The following SEMA3A variants were observed in gnomAD, a reference collection of about 807,000 sequenced individuals.
SEMA3A encodes semaphorin-3A.
Under a neutral mutation model 97.9 loss-of-function variants are expected in SEMA3A, and 29 were observed. That is an observed-to-expected ratio of 0.30 (90% CI 0.22 to 0.40). The LOEUF is 0.40. Among genes scored for constraint, SEMA3A ranks in the 10% least tolerant of loss-of-function variants. The pLI, the probability that SEMA3A is intolerant of heterozygous loss-of-function variation, is 1.00. For synonymous variants in SEMA3A, 321 were observed against 323.7 expected, an observed-to-expected ratio of 0.99 and a Z score of 0.09; for missense variants, 763 against 951.3, an observed-to-expected ratio of 0.80 and a Z score of 2.60.
chr7:84,144,350 C>T (rs957219693), intron 1 of SEMA3A, among the ~76,000 whole-genome samples: 4 of 151,704 alleles, frequency 2.6e-5, no homozygotes, highest in Non-Finnish European at 1.5e-5. Context: ...GAGGAGTTGG[C>T]ACAAGAAATA....
intron 1 of SEMA3A, among the ~76,000 whole-genome samples, chr7:84,405,735 A>C (rs1471411576): frequency 6.6e-6 from 1 of 152,232 alleles, no homozygotes; most frequent in East Asian, 1.9e-4. Context: ...CTCAGGATTA[A>C]GAAACTCACT....
At chr7:84,356,363 A>C (rs1377412827) in intron 2 of SEMA3A, among the ~76,000 whole-genome samples, 1 of 151,570 alleles carries the variant, frequency 6.6e-6, no homozygotes, top group Non-Finnish European at 1.5e-5. Flanking sequence ...CCAATAATGA[A>C]ATCCAAAATT....
At chr7:84,074,801 TAAC>T (rs1304175805) in intron 4 of SEMA3A, among the ~76,000 whole-genome samples, 2 of 151,100 alleles carry the variant, frequency 1.3e-5, no homozygotes, top group East Asian at 1.9e-4. Context: ...CTTACTCAAA[TAAC>T]AACCACTATT....
In SEMA3A at chr7:83,961,266, C is replaced by T. The variant is rs1788458558; in HGVS notation, c.*105G>A. On this transcript the variant is annotated 3_prime_UTR_variant, in exon 17 of 17. Coordinates refer to ENST00000265362, the MANE Select transcript of SEMA3A (RefSeq NM_006080.3). ...CAGCTGAATTTCCCACCATTGTAAA[C>T]ATCCACATAATGCCATGAAAAAAGT... is the stretch of plus-strand genomic sequence containing the variant. The T allele has an allele frequency of 4.6e-6, 4 of 876,580 alleles. No individual in the cohort carries two copies. Among genetic ancestry groups the T allele is most frequent in the Admixed American group, 4.2e-5 (2 of 48,052 alleles). 54.3% of individuals were successfully genotyped at this position (876,580 alleles called of 1,614,324 possible).
intron 4 of SEMA3A, among the ~76,000 whole-genome samples, chr7:84,099,909 A>T (rs537339754): frequency 1.8e-4 from 27 of 152,248 alleles, no homozygotes; most frequent in African/African-American, 6.5e-4. Context: ...TTTCAAAGTG[A>T]ATCATGGCAA....
rs559270922 is a variant in SEMA3A at position 84,408,882 on chromosome 7, C to T, written c.-245-36982G>A. 7.3e-4 allele frequency among the ~76,000 whole-genome samples: 110 copies of T among 151,152 alleles called. 1 individual carries two copies. The highest frequency in any genetic ancestry group is 2.4e-3 in the African/African-American group (99 of 41,232). On this transcript the variant is annotated intron_variant, in intron 1 of 3. Coordinates refer to the SEMA3A transcript ENST00000424555. Reference sequence around the variant, plus strand: ...ACAGAGGAAGGGGAACATCACACACCGGGGACTGTTGTGGGGTTGGGGGAG... The same window carrying T: ...ACAGAGGAAGGGGAACATCACACACTGGGGACTGTTGTGGGGTTGGGGGAG...
intron 3 of SEMA3A, among the ~76,000 whole-genome samples, chr7:84,283,129 T>C (rs1800488797): frequency 6.6e-6 from 1 of 152,142 alleles, no homozygotes; most frequent in African/African-American, 2.4e-5. Context: ...TGTGTGTGTG[T>C]GTGTTTGGGG....
intron 2 of SEMA3A, among the ~76,000 whole-genome samples, chr7:84,311,386 C>G (rs1339800742): frequency 6.6e-6 from 1 of 151,914 alleles, no homozygotes; most frequent in Non-Finnish European, 1.5e-5. Context: ...GCTCCCATCT[C>G]CTTTCCTCTG....
chr7:84,056,601 C>T (rs1369528435), intron 5 of SEMA3A, among the ~76,000 whole-genome samples: 5 of 151,766 alleles, frequency 3.3e-5, no homozygotes, highest in African/African-American at 9.7e-5. Context: ...AAGAAAATAC[C>T]CCCTCTATCA....
At chr7:84,346,307 T>G (rs529399067) in intron 2 of SEMA3A, among the ~76,000 whole-genome samples, 1 of 152,256 alleles carries the variant, frequency 6.6e-6, no homozygotes, top group Non-Finnish European at 1.5e-5. Context: ...TAGTCTGTTT[T>G]GCTTTCTTAT....
chr7:84,277,299 T>TATATAG (rs1223292762), intron 3 of SEMA3A, among the ~76,000 whole-genome samples: 17 of 152,094 alleles, frequency 1.1e-4, no homozygotes, highest in Non-Finnish European at 2.5e-4. Context: ...CATGGTTTAA[T>TATATAG]ATATAGATAT....
At chr7:84,374,593 T>C (rs1454700302) in intron 1 of SEMA3A, among the ~76,000 whole-genome samples, 3 of 152,232 alleles carry the variant, frequency 2.0e-5, no homozygotes, top group Non-Finnish European at 4.4e-5. Context: ...TCTGCATCTA[T>C]AGTTAAGCTA....
chr7:84,045,493 T>C (rs1159513034), intron 6 of SEMA3A, among the ~76,000 whole-genome samples: 1 of 151,724 alleles, frequency 6.6e-6, no homozygotes, highest in Non-Finnish European at 1.5e-5. Context: ...ATAAAAATTT[T>C]TGGTAAATGT....
At chr7:83,984,314 C>T (rs1371935394) in intron 13 of SEMA3A, among the ~76,000 whole-genome samples, 1 of 152,126 alleles carries the variant, frequency 6.6e-6, no homozygotes, top group Non-Finnish European at 1.5e-5. Flanking sequence ...TGAACACATA[C>T]TTATGCAGTG....
In SEMA3A at chr7:84,090,461, GAAT is replaced by G. The variant is rs532945667; in HGVS notation, c.453+20006_453+20008del. Among the ~76,000 whole-genome samples, 19 of 152,134 alleles carry G rather than the reference GAAT, an allele frequency of 1.2e-4. 1 individual carries two copies. The East Asian group carries it at 3.5e-3, about 28-fold the overall frequency. The stretch of plus-strand genomic sequence containing the variant: ...TGTGCAAGAATAGCCTACTACATGG[GAAT>G]AGCATGTTCTCTCTGCAAGGAGGAA... On this transcript the variant is annotated intron_variant, in intron 4 of 16. Transcript: ENST00000265362.
chr7:84,222,693 G>A (rs1281300831), intron 3 of SEMA3A, among the ~76,000 whole-genome samples: 4 of 151,616 alleles, frequency 2.6e-5, no homozygotes, highest in Non-Finnish European at 5.9e-5. Flanking sequence ...CAATAAACTT[G>A]GTTTTAATAC....
chr7:84,149,510 G>A (rs1342578246), intron 1 of SEMA3A, among the ~76,000 whole-genome samples: 3 of 152,144 alleles, frequency 2.0e-5, no homozygotes, highest in African/African-American at 7.2e-5. Flanking sequence ...GGGTTGGAAA[G>A]GACAATAGAC....
At chr7:84,442,552 T>C (rs1006644956) in intron 1 of SEMA3A, among the ~76,000 whole-genome samples, 1 of 151,810 alleles carries the variant, frequency 6.6e-6, no homozygotes, top group African/African-American at 2.4e-5. Context: ...ATGTAGGAAG[T>C]GAGAACAAAG....
At chr7:84,406,194 C>G (rs918027676) in intron 1 of SEMA3A, among the ~76,000 whole-genome samples, 13 of 151,956 alleles carry the variant, frequency 8.6e-5, no homozygotes, top group Non-Finnish European at 1.8e-4. Flanking sequence ...CAAATAGATG[C>G]AATAAAAAAT....
Sources: gnomAD v4.1 joint callset for allele counts (sites outside exome capture counted in the v4.1 genomes callset) on GRCh38, gnomAD v4.1.1 for gene constraint, MANE v1.5 for transcripts, NCBI Gene and HGNC (gene_info 2026-07-23, HGNC 2026-07-21) for gene names.